The following GAB2 variants were observed in gnomAD, a reference collection of about 807,000 sequenced individuals.
GAB2 encodes the protein GRB2-associated-binding protein 2.
Under a neutral mutation model 65.5 loss-of-function variants are expected in GAB2, and 26 were observed. The ratio of observed to expected loss-of-function variants is 0.40; its 90% CI spans 0.29 to 0.55. GAB2 has a LOEUF of 0.55. GAB2 is among the 20% of genes least tolerant of loss of function. The probability of loss-of-function intolerance (pLI) is 0.53; values close to 1 mark genes in which losing one functional copy is unlikely to be tolerated. For synonymous variants in GAB2, 321 were observed against 329.6 expected, an observed-to-expected ratio of 0.97 and a Z score of 0.28; for missense variants, 884 against 875.8, an observed-to-expected ratio of 1.01 and a Z score of -0.12.
At chr11:78,240,741 C>G (rs993524054) in intron 3 of GAB2, among the ~76,000 whole-genome samples, 3 of 151,646 alleles carry the variant, frequency 2.0e-5, no homozygotes, top group Non-Finnish European at 4.4e-5. Flanking sequence ...TCCAGAACAT[C>G]CCTTCTTGCC....
chr11:78,327,308 G>A (rs1309700480), intron 1 of GAB2, among the ~76,000 whole-genome samples: 2 of 152,152 alleles, frequency 1.3e-5, no homozygotes, highest in African/African-American at 2.4e-5. Context: ...GGCATTCAAA[G>A]TCTAATCAAT....
intron 2 of GAB2, among the ~76,000 whole-genome samples, chr11:78,256,394 G>A (rs1865597021): frequency 6.6e-6 from 1 of 152,174 alleles, no homozygotes; most frequent in Admixed American, 6.5e-5. Context: ...GAAAGGAAGG[G>A]GAGTGATTCT....
At position 78,223,613 on chromosome 11, in the gene GAB2, T is replaced by G; in HGVS notation, c.1366A>C (p.Asn456His). 6.2e-7 allele frequency: 1 copy of G among 1,613,506 alleles called. No individual in the cohort carries two copies. Among genetic ancestry groups the G allele is most frequent in the Non-Finnish European group, 8.5e-7 (1 of 1,179,634 alleles). ...GCCAACAGGGTGGAAGAACCTGGAT[T>G]CATGGGCACATAGTTGTCTTCAGAA... ...TNSEDNYVPM[N>H]PGSSTLLAME... The change falls in exon 6 of 10, where the codon AAT becomes CAT. Residue 456 changes from asparagine to histidine, a missense_variant. Asn to His is a moderately conservative substitution (Grantham distance 68). Transcript: ENST00000361507.
At chr11:78,316,502 C>A (rs1855609521) in intron 1 of GAB2, among the ~76,000 whole-genome samples, 1 of 152,094 alleles carries the variant, frequency 6.6e-6, no homozygotes, top group Non-Finnish European at 1.5e-5. Context: ...AGACATCTCT[C>A]CAAAGAAGGG....
intron 1 of GAB2, among the ~76,000 whole-genome samples, chr11:78,283,352 C>G (rs1866380826): frequency 6.6e-6 from 1 of 152,180 alleles, no homozygotes; most frequent in Non-Finnish European, 1.5e-5. Context: ...TTCAACAATT[C>G]TCCCCTTCTT....
chr11:78,333,931 C>G (rs980147284), intron 1 of GAB2, among the ~76,000 whole-genome samples: 4 of 152,104 alleles, frequency 2.6e-5, no homozygotes, highest in Non-Finnish European at 5.9e-5. Context: ...CTATATATTG[C>G]TTGCTGATTC....
In GAB2 at chr11:78,417,727, G is replaced by T; in HGVS notation, c.-7C>A. ...CGTCGCCGCCGCCGCTCATGCTGCC[G>T]GCCTGGAGCCCCCCGCCGGGTCGCG... is the stretch of plus-strand genomic sequence containing the variant. On this transcript the variant is annotated 5_prime_UTR_variant, in exon 1 of 10. Transcript: ENST00000361507. 1.5e-6 allele frequency: 2 copies of T among 1,299,596 alleles called. No homozygotes were observed. Among genetic ancestry groups the T allele is most frequent in the Non-Finnish European group, 1.0e-6 (1 of 998,184 alleles). The allele number at this position is 1,299,596 out of a possible 1,614,324, so 80.5% of individuals were successfully genotyped here.
chr11:78,368,419 G>A (rs1292349147), intron 1 of GAB2, among the ~76,000 whole-genome samples: 1 of 152,006 alleles, frequency 6.6e-6, no homozygotes, highest in African/African-American at 2.4e-5. Flanking sequence ...AAATTATCCT[G>A]GACAAAAAAA....
chr11:78,334,036 A>G (rs540929191), intron 1 of GAB2, among the ~76,000 whole-genome samples: 1 of 152,156 alleles, frequency 6.6e-6, no homozygotes, highest in Non-Finnish European at 1.5e-5. Context: ...TGATAAGTTC[A>G]TCTCCTTTTG....
intron 1 of GAB2, among the ~76,000 whole-genome samples, chr11:78,311,738 T>A (rs2134645043): frequency 6.6e-6 from 1 of 152,238 alleles, no homozygotes; most frequent in African/African-American, 2.4e-5. Context: ...ATACATAAGA[T>A]ACAATTAGTT....
At chr11:78,323,020 T>C (rs1427983821) in intron 1 of GAB2, among the ~76,000 whole-genome samples, 2 of 146,116 alleles carry the variant, frequency 1.4e-5, no homozygotes, top group East Asian at 4.7e-4. Context: ...TATGCACTCA[T>C]ATGTTTATTG....
At chr11:78,322,503 G>C (rs533943266) in intron 1 of GAB2, among the ~76,000 whole-genome samples, 6 of 151,532 alleles carry the variant, frequency 4.0e-5, no homozygotes, top group Admixed American at 2.0e-4. Context: ...AGAAACTATC[G>C]AGAGAGTAAA....
chr11:78,272,675 G>A (rs1330192892), intron 2 of GAB2, among the ~76,000 whole-genome samples: 1 of 152,226 alleles, frequency 6.6e-6, no homozygotes. Context: ...TTTCTGAGGA[G>A]AAATTCAAGC....
At chr11:78,323,824 G>A (rs1855773664) in intron 1 of GAB2, among the ~76,000 whole-genome samples, 1 of 95,050 alleles carries the variant, frequency 1.1e-5, no homozygotes, top group East Asian at 3.6e-4. Context: ...TTGAGACAAA[G>A]CCTGGCTCTG....
chr11:78,374,120 G>A (rs1219934894), intron 1 of GAB2, among the ~76,000 whole-genome samples: 2 of 152,082 alleles, frequency 1.3e-5, no homozygotes, highest in Admixed American at 1.3e-4. Flanking sequence ...ATGATAAGCA[G>A]GCCAACTTTA....
intron 1 of GAB2, among the ~76,000 whole-genome samples, chr11:78,402,932 G>A (rs1856993359): frequency 6.6e-6 from 1 of 152,156 alleles, no homozygotes; most frequent in African/African-American, 2.4e-5. Flanking sequence ...ATCAGGTCAT[G>A]AGGGCAGAGT....
rs571729963 is a variant in GAB2 at position 78,402,469 on chromosome 11, G to A, written c.75+15177C>T. On this transcript the variant is annotated intron_variant, in intron 1 of 9. Transcript: ENST00000361507. ...TTTGAGACAGAGTTTCACTCTTGTC[G>A]CCCAGGCTGGAGTACAGTGGCACAA... Among the ~76,000 whole-genome samples, 18 of 149,116 alleles carry A rather than the reference G, an allele frequency of 1.2e-4. No individual in the cohort carries two copies. In the East Asian group the frequency reaches 1.4e-3, roughly 11 times the overall value.
chr11:78,330,623 C>T (rs1485177834), intron 1 of GAB2, among the ~76,000 whole-genome samples: 1 of 152,140 alleles, frequency 6.6e-6, no homozygotes, highest in East Asian at 1.9e-4. Context: ...AAAAGGCTTA[C>T]TCTTAGACCT....
intron 3 of GAB2, among the ~76,000 whole-genome samples, chr11:78,244,113 A>T (rs1865222608): frequency 6.6e-6 from 1 of 152,150 alleles, no homozygotes; most frequent in Non-Finnish European, 1.5e-5. Flanking sequence ...GTGCTGGCTC[A>T]CATCTGTAAT....
Sources: gnomAD v4.1 joint callset for allele counts (sites outside exome capture counted in the v4.1 genomes callset) on GRCh38, gnomAD v4.1.1 for gene constraint, MANE v1.5 for transcripts, NCBI Gene and HGNC (gene_info 2026-07-23, HGNC 2026-07-21) for gene names.